Variants in MAST3 observed in about 807,000 individuals in gnomAD.
MAST3 encodes the protein microtubule associated serine/threonine kinase 3.
Under a neutral mutation model 127.0 loss-of-function variants are expected in MAST3, and 43 were observed. The observed-to-expected ratio is 0.34, with a 90% CI of 0.27 to 0.44. The LOEUF (loss-of-function observed/expected upper bound fraction) is 0.44. Among genes scored for constraint, MAST3 ranks in the 20% least tolerant of loss-of-function variants. The pLI is 1.00. For missense variants in MAST3, 1,390 were observed against 1,919.1 expected (o/e 0.72, Z 5.15); for synonymous variants, 785 against 809.2 (o/e 0.97, Z 0.51).
intron 1 of MAST3, among the ~76,000 whole-genome samples, chr19:18,099,632 C>T (rs1435249601): frequency 6.6e-6 from 1 of 152,178 alleles, no homozygotes; most frequent in Admixed American, 6.5e-5. Context: ...TTTGAACCCA[C>T]GCAGTTCCGG....
intron 6 of MAST3, 104 bp downstream of exon 6, chr19:18,122,855 C>A: frequency 1.7e-6 from 2 of 1,211,426 alleles, no homozygotes; most frequent in South Asian, 1.3e-5. Flanking sequence ...GTGCAGTCAG[C>A]AAACATACTA....
intron 1 of MAST3, 33 bp downstream of exon 1, chr19:18,097,864 A>G: frequency 2.5e-6 from 3 of 1,216,834 alleles, no homozygotes; most frequent in Non-Finnish European, 3.1e-6. Flanking sequence ...CGGAAGGCAG[A>G]GGGCGCGGCC....
intron 18 of MAST3, among the ~76,000 whole-genome samples, chr19:18,136,724 G>C (rs2041930284): frequency 6.6e-6 from 1 of 152,116 alleles, no homozygotes; most frequent in Non-Finnish European, 1.5e-5. Context: ...ACCATGCCTG[G>C]CTGCTGGCCT....
At chr19:18,104,179 CAAAAAAAAAAAAAAAAAAAAAAAAAA>C (rs56347763) in intron 1 of MAST3, among the ~76,000 whole-genome samples, 2 of 43,450 alleles carry the variant, frequency 4.6e-5, no homozygotes, top group Non-Finnish European at 7.8e-5. Flanking sequence ...GACGCTGTCT[CAAAAAAAAAAAAAAAAAAAAAAAAAA>C]AAAAAAAAAA....
chr19:18,123,849 C>A, intron 8 of MAST3, 90 bp from the exon 9 acceptor site: 1 of 1,287,026 alleles, frequency 7.8e-7, no homozygotes, highest in Non-Finnish European at 1.1e-6. Context: ...CCCATCTCCT[C>A]TCTCCCCAAC....
chr19:18,143,099 G>A (rs1453559508), intron 21 of MAST3, among the ~76,000 whole-genome samples: 4 of 134,910 alleles, frequency 3.0e-5, no homozygotes, highest in Admixed American at 7.8e-5. Context: ...GTGACAGAGC[G>A]AGACTCTGTC....
intron 11 of MAST3, 110 bp downstream of exon 11, chr19:18,124,884 T>C: frequency 7.3e-7 from 1 of 1,370,756 alleles, no homozygotes; most frequent in Non-Finnish European, 9.6e-7. Flanking sequence ...GGCGGGCAGA[T>C]CACTTGAGGC....
At position 18,112,392 on chromosome 19, in the gene MAST3, T is replaced by C. The variant is rs2038746655; in HGVS notation, c.161+1651T>C. The stretch of plus-strand genomic sequence containing the variant: ...CTCTGTTGCCCAGGCTGGAGTCCAG[T>C]GGTACCATCTTGGCTCACTGCAACC... On this transcript the variant is annotated intron_variant, in intron 3 of 27. Transcript: ENST00000687212. This position sits in a 1 kb window ranked among gnomAD's most constrained non-coding sequence, Gnocchi z 4.1. Among the ~76,000 whole-genome samples, 1 of 152,138 alleles carries C rather than the reference T, an allele frequency of 6.6e-6. No homozygotes were observed. The highest frequency in any genetic ancestry group is 1.5e-5 in the Non-Finnish European group (1 of 68,024).
At position 18,123,577 on chromosome 19, in the gene MAST3, C is replaced by A; in HGVS notation, c.558-3C>A. ...TATCACAAGCCAGCTGTCTTCCTTT[C>A]AGCCCGGGCCGTGCAACGGGGACCT... On this transcript the variant is annotated splice_region_variant and splice_polypyrimidine_tract_variant and intron_variant, in intron 7 of 27. Transcript: ENST00000687212. 6.4e-7 allele frequency: 1 copy of A among 1,564,996 alleles called. No individual in the cohort carries two copies.
Position 18,145,373 on chromosome 19 carries a change from T to A in MAST3, c.3039+144T>A. ...CCGAGTTCATCTCGGTCCCTGTCAT[T>A]TGGCAGGGAGGAGGTCAGATGAGAG... On this transcript the variant is annotated intron_variant, in intron 24 of 27. Coordinates refer to ENST00000687212, the MANE Select transcript of MAST3 (RefSeq NM_001393504.1). The surrounding 1 kb of genome is among the most constrained non-coding windows in gnomAD (Gnocchi z 5.9). The A allele has an allele frequency of 1.3e-6, 1 of 784,298 alleles. No homozygotes were observed. The highest frequency in any genetic ancestry group is 2.1e-6 in the Non-Finnish European group (1 of 474,064). 48.6% of individuals were successfully genotyped at this position (784,298 alleles called of 1,614,324 possible). A position where few individuals can be genotyped will look rare whatever the true frequency, so the allele number is the denominator to read the frequency against.
At chr19:18,103,601 G>C (rs1407452240) in intron 1 of MAST3, among the ~76,000 whole-genome samples, 1 of 152,120 alleles carries the variant, frequency 6.6e-6, no homozygotes, top group Non-Finnish European at 1.5e-5. Flanking sequence ...TTCAACTGGT[G>C]GTTATTATTC....
At chr19:18,143,707 A>G in intron 21 of MAST3, 56 bp from the exon 22 acceptor site, 1 of 1,602,838 alleles carries the variant, frequency 6.2e-7, no homozygotes, top group Non-Finnish European at 8.5e-7. Context: ...AAGGTGGCTG[A>G]GTATCCTGGG....
intron 13 of MAST3, 86 bp downstream of exon 13, chr19:18,129,037 AC>A: frequency 8.7e-7 from 1 of 1,155,400 alleles, no homozygotes; most frequent in Non-Finnish European, 1.3e-6. Context: ...TCCCCCTCCT[AC>A]CCCAGCAGGG....
chr19:18,123,205 A>G lies in MAST3; in HGVS notation c.400-12A>G. On this transcript the variant is annotated splice_polypyrimidine_tract_variant and intron_variant, in intron 6 of 27. Coordinates refer to ENST00000687212, the MANE Select transcript of MAST3 (RefSeq NM_001393504.1). ...TGAACTCATGGCTCTGATCCCCACC[A>G]CTCTCTACCAGTCAAGCTCATCCTC... 1 of 1,612,750 alleles carries G rather than the reference A, an allele frequency of 6.2e-7. No individual in the cohort carries two copies.
intron 1 of MAST3, among the ~76,000 whole-genome samples, chr19:18,100,128 C>CTCTTTTTTTTTTTTTTTTTTTTTTTTTT (rs776661078): frequency 2.5e-5 from 3 of 121,718 alleles, no homozygotes; most frequent in East Asian, 2.7e-4. Flanking sequence ...CTCTCTCTCT[C>CTCTTTTTTTTTTTTTTTTTTTTTTTTTT]TTTTTTTTTT....
intron 8 of MAST3, 28 bp from the exon 9 acceptor site, chr19:18,123,911 C>A: frequency 1.3e-6 from 2 of 1,535,408 alleles, no homozygotes; most frequent in Non-Finnish European, 1.7e-6. Flanking sequence ...CGCCCTCTGA[C>A]CAGGTCGCCC....
At chr19:18,106,607 T>C (rs1315721566) in intron 1 of MAST3, among the ~76,000 whole-genome samples, 5 of 151,460 alleles carry the variant, frequency 3.3e-5, no homozygotes, top group African/African-American at 4.9e-5. Flanking sequence ...GTTTCGCTCT[T>C]GTTTCCCAGG....
At chr19:18,117,317 G>A (rs1477325110) in intron 3 of MAST3, among the ~76,000 whole-genome samples, 4 of 152,184 alleles carry the variant, frequency 2.6e-5, no homozygotes, top group Admixed American at 6.5e-5. Flanking sequence ...TAATTCTCAT[G>A]TCAGTTCAGT....
At chr19:18,101,721 G>T (rs950880892) in intron 1 of MAST3, among the ~76,000 whole-genome samples, 2 of 149,862 alleles carry the variant, frequency 1.3e-5, no homozygotes, top group Admixed American at 1.3e-4. Context: ...CGCCATCTTG[G>T]CTCACTGCAG....
Sources: gnomAD v4.1 joint callset for allele counts (sites outside exome capture counted in the v4.1 genomes callset) on GRCh38, gnomAD v4.1.1 for gene constraint, Gnocchi (gnomAD v3.1) non-coding constraint, MANE v1.5 for transcripts, NCBI Gene and HGNC (gene_info 2026-07-23, HGNC 2026-07-21) for gene names.